Variants in LPA observed in about 807,000 individuals in gnomAD.
LPA encodes the protein lipoprotein(a), also known as apolipoprotein(a).
A neutral mutation model predicts 197.9 loss-of-function variants in LPA; 199 were observed. That is an observed-to-expected ratio of 1.01 (90% CI 0.90 to 1.13). The LOEUF is 1.13. Ranked by LOEUF, LPA falls within the 50% of genes most tolerant of loss-of-function variation. The pLI is 0.00. For synonymous variants in LPA, 715 were observed against 639.5 expected (o/e 1.12, Z -1.78); for missense variants, 1,853 against 1,785.8 (o/e 1.04, Z -0.68).
intron 30 of LPA, among the ~76,000 whole-genome samples, 155 bp downstream of exon 30, chr6:160,555,870 A>G (rs1287350567): frequency 6.6e-6 from 1 of 152,180 alleles, no homozygotes; most frequent in Non-Finnish European, 1.5e-5. Flanking sequence ...CTATTCTCTC[A>G]GACTCTTTGA....
rs1474622663 is a variant in LPA at position 160,655,663 on chromosome 6, C to G, written c.50-5166G>C. ...TCCATAGGTCTCATGCCACTGGAAC[C>G]CTAGAAATTTTACCGAGGTAGAAAG... is the stretch of plus-strand genomic sequence containing the variant. On this transcript the variant is annotated intron_variant, in intron 1 of 38. Coordinates refer to ENST00000316300, the MANE Select transcript of LPA (RefSeq NM_005577.4). Among the ~76,000 whole-genome samples the G allele has an allele frequency of 3.3e-5, 5 of 152,156 alleles. No individual in the cohort carries two copies. In the South Asian group the frequency reaches 8.3e-4, roughly 25 times the overall value.
intron 1 of LPA, among the ~76,000 whole-genome samples, chr6:160,663,391 C>A (rs902596280): frequency 2.6e-5 from 4 of 152,120 alleles, no homozygotes; most frequent in African/African-American, 4.8e-5. Context: ...GGTCACGAGA[C>A]AAATAACATG....
At position 160,576,396 on chromosome 6, in the gene LPA, A is replaced by ATGTG. The variant is rs1562328010; in HGVS notation, c.4631+739_4631+740insCACA. ...TATATATATATATATATATGTATAT[A>ATGTG]TATATATATATATATATATGGGTAT... On this transcript the variant is annotated intron_variant, in intron 28 of 38. Transcript: ENST00000316300. 8.5e-5 allele frequency among the ~76,000 whole-genome samples: 4 copies of ATGTG among 46,940 alleles called. No individual in the cohort carries two copies. In the East Asian group the frequency reaches 3.0e-3, roughly 35 times the overall value. The allele number at this position is 46,940 out of a possible 152,430, so 30.8% of individuals were successfully genotyped here.
intron 22 of LPA, 99 bp downstream of exon 22, chr6:160,593,859 G>T: frequency 1.4e-6 from 2 of 1,424,172 alleles, no homozygotes; most frequent in South Asian, 1.2e-5. Context: ...TTCCAGATCT[G>T]AGATAAATTT....
chr6:160,601,608 C>T (rs1385082448), intron 18 of LPA, among the ~76,000 whole-genome samples: 1 of 152,202 alleles, frequency 6.6e-6, no homozygotes, highest in East Asian at 1.9e-4. Context: ...GGCCAGCAGT[C>T]TCATTCAATG....
Position 160,565,274 on chromosome 6 carries a change from G to T in LPA, c.4632-7703C>A, listed in dbSNP as rs541796081. On this transcript the variant is annotated intron_variant, in intron 28 of 38. Transcript: ENST00000316300. ...TAGCCTAACTGGGGGACACCTCCCAGTAGGGGCCAACTGACACCTCATACA... is the reference window on the plus strand; with the variant it reads ...TAGCCTAACTGGGGGACACCTCCCATTAGGGGCCAACTGACACCTCATACA... Among the ~76,000 whole-genome samples the T allele has an allele frequency of 1.2e-3, 185 of 152,324 alleles. 1 individual carries two copies. Among genetic ancestry groups the T allele is most frequent in the African/African-American group, 4.2e-3 (173 of 41,570 alleles).
At chr6:160,595,298 C>A (rs1779108314) in intron 21 of LPA, 56 bp downstream of exon 21, 1 of 1,600,786 alleles carries the variant, frequency 6.2e-7, no homozygotes, top group South Asian at 1.1e-5. Flanking sequence ...TAAGATTTTG[C>A]AACTCTTTTC....
chr6:160,615,399 G>T (rs1444558270), intron 14 of LPA, among the ~76,000 whole-genome samples: 3 of 100,852 alleles, frequency 3.0e-5, no homozygotes, highest in East Asian at 3.5e-4. Context: ...TCATTCTGTA[G>T]GTTCTCTAAA....
chr6:160,590,078 T>C (rs1431058390), intron 23 of LPA, among the ~76,000 whole-genome samples: 1 of 152,058 alleles, frequency 6.6e-6, no homozygotes, highest in African/African-American at 2.4e-5. Context: ...GTGGTGGTTG[T>C]CAGTGGGGGC....
chr6:160,545,495 C>T lies in LPA; in HGVS notation c.5343G>A (p.Trp1781Ter), dbSNP rs1249197817. 1 of 1,612,980 alleles carries T rather than the reference C, an allele frequency of 6.2e-7. No individual in the cohort carries two copies. Among genetic ancestry groups the T allele is most frequent in the Non-Finnish European group, 8.5e-7 (1 of 1,179,602 alleles). Residue 1781 changes from tryptophan (W) to a stop codon, truncating the protein, a stop_gained, in exon 33 of 39, where the codon TGG becomes TGA. Transcript: ENST00000316300. LOFTEE classifies it high-confidence loss of function. ...GTTTTCTTGGATTCATTGTGTAGCA[C>T]CAGGGACCATTGATGTCACCATCAG... The part of the protein sequence containing the change: ...RNPDGDINGP[W>*]CYTMNPRKLF...
rs187364344 is a variant in LPA, at chr6:160,594,111, G to A, written c.3476C>T (p.Thr1159Met). 344 of 1,613,772 alleles carry A rather than the reference G, an allele frequency of 2.1e-4. 4 individuals carry two copies. The East Asian group carries it at 3.3e-3, about 16-fold the overall frequency. Residue 1159 changes from threonine (T) to methionine (M), a missense_variant, in exon 22 of 39, where the codon ACG (threonine) becomes ATG (methionine). By Grantham distance (81) the Thr-to-Met change is moderately conservative. Coordinates refer to ENST00000316300, the MANE Select transcript of LPA (RefSeq NM_005577.4). ...ATCCTGGACCCCGGGGCTTTGCTCC[G>A]TTGGTGCTGAAATTCAAAGAGGAGA... ...STEASSEEAP[T>M]EQSPGVQDCY...
chr6:160,591,821 G>T (rs201263011), intron 22 of LPA, among the ~76,000 whole-genome samples: 1 of 55,266 alleles, frequency 1.8e-5, no homozygotes, highest in East Asian at 5.4e-4. Context: ...GAATGTCATT[G>T]GTTTGGACTA....
intron 26 of LPA, among the ~76,000 whole-genome samples, chr6:160,582,050 GA>G (rs1778811394): frequency 6.6e-6 from 1 of 152,040 alleles, no homozygotes; most frequent in African/African-American, 2.4e-5. Context: ...TCCTGCTGAT[GA>G]AACATTCTTT....
chr6:160,604,259 C>T (rs2115058440), intron 18 of LPA, among the ~76,000 whole-genome samples: 1 of 152,294 alleles, frequency 6.6e-6, no homozygotes, highest in South Asian at 2.1e-4. Context: ...TCACCTTGCT[C>T]TTCAGTGCAA....
chr6:160,590,887 G>A (rs1378980974), intron 23 of LPA, 57 bp downstream of exon 23: 1 of 1,607,804 alleles, frequency 6.2e-7, no homozygotes, highest in Non-Finnish European at 8.5e-7. Flanking sequence ...CTAAGATTTT[G>A]CAACTCTTTT....
chr6:160,576,395 T>TATAC (rs1778674055), intron 28 of LPA, among the ~76,000 whole-genome samples: 1 of 35,632 alleles, frequency 2.8e-5, no homozygotes, highest in African/African-American at 1.6e-4. Context: ...TATATGTATA[T>TATAC]ATATATATAT....
At chr6:160,575,059 CT>C (rs1419286836) in intron 28 of LPA, among the ~76,000 whole-genome samples, 1 of 152,200 alleles carries the variant, frequency 6.6e-6, no homozygotes, top group East Asian at 1.9e-4. Flanking sequence ...CTTTTTTCCT[CT>C]GGCTTATAAA....
At chr6:160,593,158 T>G (rs1166575163) in intron 22 of LPA, among the ~76,000 whole-genome samples, 1 of 152,140 alleles carries the variant, frequency 6.6e-6, no homozygotes, top group Non-Finnish European at 1.5e-5. Context: ...CTCTCCTCAG[T>G]TAAGCAAGAC....
At chr6:160,595,669 C>T in intron 20 of LPA, 134 bp from the exon 21 acceptor site, 4 of 1,277,778 alleles carry the variant, frequency 3.1e-6, no homozygotes, top group Non-Finnish European at 3.3e-6. Flanking sequence ...CCATAATATG[C>T]ACAAATGGTC....
Sources: gnomAD v4.1 joint callset for allele counts (sites outside exome capture counted in the v4.1 genomes callset) on GRCh38, gnomAD v4.1.1 for gene constraint, MANE v1.5 for transcripts, NCBI Gene and HGNC (gene_info 2026-07-23, HGNC 2026-07-21) for gene names.